The following CDH13 variants were observed in gnomAD, a reference collection of about 807,000 sequenced individuals.
CDH13 encodes cadherin-13.
CDH13 carries 24 observed loss-of-function variants against 63.8 expected under a neutral mutation model. That is an observed-to-expected ratio of 0.38 (90% CI 0.27 to 0.53). The LOEUF (loss-of-function observed/expected upper bound fraction) is 0.53, where lower values mean the gene tolerates loss of function less well. Ranked by LOEUF, CDH13 falls within the 20% of genes least tolerant of loss-of-function variation. CDH13 has a pLI of 0.85. For synonymous variants in CDH13, 503 were observed against 355.3 expected (o/e 1.42, Z -4.67); for missense variants, 1,049 against 903.1 (o/e 1.16, Z -2.07).
chr16:83,619,704 GCAGAAGGACACCAGT>G (rs1300113951), intron 8 of CDH13, among the ~76,000 whole-genome samples: 2 of 152,198 alleles, frequency 1.3e-5, no homozygotes, highest in African/African-American at 4.8e-5. Flanking sequence ...TTTCCTCTTT[GCAGAAGGACACCAGT>G]CATATTTGAC....
chr16:83,606,523 A>T (rs1908346655), intron 8 of CDH13, among the ~76,000 whole-genome samples: 1 of 151,980 alleles, frequency 6.6e-6, no homozygotes, highest in Non-Finnish European at 1.5e-5. Flanking sequence ...GGATTGCTTG[A>T]GCCCAGGAGT....
At chr16:83,278,470 A>C (rs535188984) in intron 5 of CDH13, among the ~76,000 whole-genome samples, 2 of 152,330 alleles carry the variant, frequency 1.3e-5, no homozygotes, top group African/African-American at 4.8e-5. Context: ...CCAAGCCCTG[A>C]CTTGCCAGTT....
At chr16:83,353,254 G>C (rs1430961201) in intron 6 of CDH13, among the ~76,000 whole-genome samples, 1 of 152,228 alleles carries the variant, frequency 6.6e-6, no homozygotes, top group Non-Finnish European at 1.5e-5. Flanking sequence ...TTGCCAAGTT[G>C]CTCCTAACTA....
At chr16:83,205,940 C>T (rs1425943210) in intron 4 of CDH13, among the ~76,000 whole-genome samples, 1 of 152,092 alleles carries the variant, frequency 6.6e-6, no homozygotes, top group Non-Finnish European at 1.5e-5. Context: ...GAGAGAGAAA[C>T]TGACCATGAG....
intron 3 of CDH13, among the ~76,000 whole-genome samples, chr16:83,065,251 G>T (rs2031908913): frequency 6.6e-6 from 1 of 152,172 alleles, no homozygotes; most frequent in Admixed American, 6.5e-5. Flanking sequence ...TATAGAAAAA[G>T]CTTGAAGGTA....
chr16:82,768,242 G>C lies in CDH13; in HGVS notation c.46-90120G>C, dbSNP rs150498656. Among the ~76,000 whole-genome samples the C allele has an allele frequency of 1.8e-3, 279 of 152,304 alleles. 1 individual carries two copies. Among genetic ancestry groups the C allele is most frequent in the African/African-American group, 6.3e-3 (262 of 41,566 alleles). On this transcript the variant is annotated intron_variant, in intron 1 of 13. Transcript: ENST00000567109. ...TATTGACAGGAATAAAGTTTCATAA[G>C]GTGTTCCCTGCAGTGGCCTGACTGT...
chr16:83,188,862 C>A (rs1256990914), intron 4 of CDH13, among the ~76,000 whole-genome samples: 1 of 152,062 alleles, frequency 6.6e-6, no homozygotes, highest in Non-Finnish European at 1.5e-5. Flanking sequence ...TTTCTTTCTC[C>A]TGTAGTCGGG....
chr16:82,653,058 G>A (rs1910912052), intron 1 of CDH13, among the ~76,000 whole-genome samples: 1 of 152,178 alleles, frequency 6.6e-6, no homozygotes, highest in Non-Finnish European at 1.5e-5. Flanking sequence ...AAACAGACAA[G>A]GCAGTCAACA....
At chr16:83,479,007 A>G (rs1187800880) in intron 6 of CDH13, among the ~76,000 whole-genome samples, 1 of 152,214 alleles carries the variant, frequency 6.6e-6, no homozygotes, top group Non-Finnish European at 1.5e-5. Context: ...ATGCCCTGCC[A>G]AACGTGGGCT....
rs551547419 is a variant in CDH13, at chr16:82,795,046, C to G, written c.46-63316C>G. ...AAATGATACCTTCCCTCCTTTGCCT[C>G]ATAGTCTCATTCATGATGTTTGCTT... On this transcript the variant is annotated intron_variant, in intron 1 of 13. Coordinates refer to ENST00000567109, the MANE Select transcript of CDH13 (RefSeq NM_001257.5). Among the ~76,000 whole-genome samples the G allele has an allele frequency of 7.9e-5, 12 of 152,288 alleles. No individual in the cohort carries two copies. The South Asian group carries it at 1.7e-3, about 21-fold the overall frequency.
chr16:83,781,186 C>T (rs143179652), intron 12 of CDH13, among the ~76,000 whole-genome samples: 1 of 152,200 alleles, frequency 6.6e-6, no homozygotes. Context: ...CTTAACCCAA[C>T]TTCTATCACT....
chr16:83,021,424 C>T (rs778417572), intron 2 of CDH13, among the ~76,000 whole-genome samples: 30 of 152,162 alleles, frequency 2.0e-4, no homozygotes, highest in Non-Finnish European at 3.4e-4. Flanking sequence ...GAATCCACGG[C>T]AAGAGGAGAA....
Position 83,536,375 on chromosome 16 carries a change from T to A in CDH13, c.960+49720T>A, listed in dbSNP as rs190755666. Among the ~76,000 whole-genome samples, 4 of 152,244 alleles carry A rather than the reference T, an allele frequency of 2.6e-5. No homozygotes were observed. The East Asian group carries it at 7.7e-4, about 29-fold the overall frequency. On this transcript the variant is annotated intron_variant, in intron 7 of 13. Transcript: ENST00000567109. ...ACCACGGTAGTCATGGAAGGTCTCC[T>A]TGTGGACGTGATCCTTGGGGTGAAT...
chr16:83,658,555 C>T (rs1913110313), intron 8 of CDH13, among the ~76,000 whole-genome samples: 5 of 143,280 alleles, frequency 3.5e-5, no homozygotes, highest in Non-Finnish European at 7.8e-5. Flanking sequence ...GTCCCATATC[C>T]TCACCACCAG....
intron 6 of CDH13, among the ~76,000 whole-genome samples, chr16:83,458,735 A>G (rs1175293708): frequency 1.3e-5 from 2 of 152,160 alleles, no homozygotes; most frequent in East Asian, 1.9e-4. Flanking sequence ...GACACTTCTC[A>G]GTCCTGTTGG....
chr16:82,839,196 T>C (rs111364786), intron 1 of CDH13, among the ~76,000 whole-genome samples: 1,564 of 152,304 alleles, frequency 0.01, 29 homozygotes, highest in African/African-American at 0.034. Flanking sequence ...TGTCCTTCCA[T>C]TGGGGGTTAC....
intron 2 of CDH13, among the ~76,000 whole-genome samples, chr16:82,961,158 C>G (rs1031711449): frequency 1.3e-5 from 2 of 152,170 alleles, no homozygotes; most frequent in African/African-American, 4.8e-5. Context: ...GGCTTCATCC[C>G]AGCTCACATT....
chr16:83,062,254 G>A (rs1020847455), intron 3 of CDH13, among the ~76,000 whole-genome samples: 2 of 152,150 alleles, frequency 1.3e-5, no homozygotes, highest in Non-Finnish European at 2.9e-5. Flanking sequence ...CCCCCTGTCA[G>A]TTTTCTATCA....
chr16:83,014,828 T>TTGTGTATATA (rs1914584016), intron 2 of CDH13, among the ~76,000 whole-genome samples: 1 of 87,814 alleles, frequency 1.1e-5, no homozygotes, highest in Non-Finnish European at 2.1e-5. Flanking sequence ...ATATATATAT[T>TTGTGTATATA]TGTATATATA....
Sources: allele counts gnomAD v4.1 joint callset (sites outside exome capture counted in the v4.1 genomes callset), GRCh38; gene constraint gnomAD v4.1.1; transcripts MANE v1.5; gene names NCBI Gene and HGNC (gene_info 2026-07-23, HGNC 2026-07-21).